The following YEATS4 variants were observed in gnomAD, a reference collection of about 807,000 sequenced individuals.
YEATS4 encodes the protein YEATS domain-containing protein 4.
A neutral mutation model predicts 30.1 loss-of-function variants in YEATS4; 17 were observed. That is an observed-to-expected ratio of 0.56 (90% CI 0.39 to 0.85). YEATS4 has a LOEUF of 0.85. YEATS4 is among the 40% of genes least tolerant of loss of function. The probability of loss-of-function intolerance (pLI) is 0.00; values close to 1 mark genes in which losing one functional copy is unlikely to be tolerated. For missense variants in YEATS4, 142 were observed against 268.3 expected (o/e 0.53, Z 3.29); for synonymous variants, 85 against 87.5 (o/e 0.97, Z 0.16).
At chr12:69,380,968 C>T (rs992750446) in intron 6 of YEATS4, among the ~76,000 whole-genome samples, 1 of 152,102 alleles carries the variant, frequency 6.6e-6, no homozygotes, top group African/African-American at 2.4e-5. Flanking sequence ...TATCACAAGG[C>T]AAATGGAGGC....
At chr12:69,379,187 CCTTT>C (rs961746874) in intron 6 of YEATS4, among the ~76,000 whole-genome samples, 3 of 152,036 alleles carry the variant, frequency 2.0e-5, no homozygotes, top group African/African-American at 4.8e-5. Context: ...TTTTTAGGAT[CCTTT>C]CTTTATCCTT....
chr12:69,373,709 T>C (rs922836060), intron 6 of YEATS4, among the ~76,000 whole-genome samples: 1 of 152,228 alleles, frequency 6.6e-6, no homozygotes, highest in Non-Finnish European at 1.5e-5. Context: ...CAGTCCAGTG[T>C]CCTAGAGAGT....
Position 69,362,917 on chromosome 12 carries a change from C to A in YEATS4, c.171+10C>A. 1 of 1,471,514 alleles carries A rather than the reference C, an allele frequency of 6.8e-7. No homozygotes were observed. Among genetic ancestry groups the A allele is most frequent in the South Asian group, 1.4e-5 (1 of 70,396 alleles). 91.2% of individuals were successfully genotyped at this position (1,471,514 alleles called of 1,614,324 possible). ...ACCATATAGAAATGAGGTAGGCACTCGTTTTTTCTGTAACTGTTTTACTTA... is the reference window on the plus strand; with the variant it reads ...ACCATATAGAAATGAGGTAGGCACTAGTTTTTTCTGTAACTGTTTTACTTA... On this transcript the variant is annotated intron_variant, in intron 2 of 6. Transcript: ENST00000247843.
the YEATS4 span, among the ~76,000 whole-genome samples, chr12:69,421,018 C>A: frequency 6.6e-6 from 1 of 152,098 alleles, no homozygotes; most frequent in African/African-American, 2.4e-5. Flanking sequence ...TAGGGATATG[C>A]CACATTTTGG....
chr12:69,411,191 A>G, the YEATS4 span, among the ~76,000 whole-genome samples: 2 of 152,212 alleles, frequency 1.3e-5, no homozygotes, highest in African/African-American at 4.8e-5. Flanking sequence ...GTACAGTGGT[A>G]CAATCACATT....
the YEATS4 span, among the ~76,000 whole-genome samples, chr12:69,413,950 G>T: frequency 2.0e-5 from 3 of 151,944 alleles, no homozygotes; most frequent in African/African-American, 7.3e-5. Context: ...CCATCAAAGG[G>T]CTGCCCTAAC....
At chr12:69,420,457 A>G in the YEATS4 span, among the ~76,000 whole-genome samples, 3 of 152,140 alleles carry the variant, frequency 2.0e-5, no homozygotes, top group African/African-American at 7.2e-5. Context: ...GATATAATAT[A>G]TGTAAGGTGC....
chr12:69,412,341 A>C, the YEATS4 span, among the ~76,000 whole-genome samples: 5 of 152,108 alleles, frequency 3.3e-5, no homozygotes. Flanking sequence ...CTCAGGTGCC[A>C]CTATTGTCCC....
chr12:69,360,077 C>T (rs896702787), intron 1 of YEATS4, 54 bp downstream of exon 1: 3 of 1,589,468 alleles, frequency 1.9e-6, no homozygotes, highest in African/African-American at 2.7e-5. Context: ...TCGGTTCCTC[C>T]CTGCGCGGCG....
At chr12:69,374,827 A>G (rs1444546731) in intron 6 of YEATS4, among the ~76,000 whole-genome samples, 1 of 151,718 alleles carries the variant, frequency 6.6e-6, no homozygotes, top group Non-Finnish European at 1.5e-5. Context: ...TTTTCCCCAC[A>G]TTTCCCCCTT....
chr12:69,380,279 A>C (rs1328503929), intron 6 of YEATS4, among the ~76,000 whole-genome samples: 1 of 152,182 alleles, frequency 6.6e-6, no homozygotes, highest in African/African-American at 2.4e-5. Flanking sequence ...TTGTGATCTA[A>C]ATTTTTGGTC....
chr12:69,386,882 G>T (rs1361661627), intron 6 of YEATS4, among the ~76,000 whole-genome samples: 1 of 152,022 alleles, frequency 6.6e-6, no homozygotes, highest in African/African-American at 2.4e-5. Context: ...ATATACCTAT[G>T]ATAAAGTTTA....
the YEATS4 span, among the ~76,000 whole-genome samples, chr12:69,407,889 T>A: frequency 1.3e-5 from 2 of 152,036 alleles, no homozygotes; most frequent in African/African-American, 4.8e-5. Flanking sequence ...GCTGATTTTG[T>A]ATTTTTAGTA....
chr12:69,404,490 A>T, the YEATS4 span, among the ~76,000 whole-genome samples: 18 of 152,096 alleles, frequency 1.2e-4, no homozygotes, highest in Non-Finnish European at 4.4e-5. Flanking sequence ...CTGATGAAAG[A>T]TGAGTTTGGC....
chr12:69,411,648 A>C, the YEATS4 span, among the ~76,000 whole-genome samples: 1 of 152,208 alleles, frequency 6.6e-6, no homozygotes, highest in Non-Finnish European at 1.5e-5. Context: ...GAGTGTGGAC[A>C]GGGTTGCAAC....
the YEATS4 span, among the ~76,000 whole-genome samples, chr12:69,405,581 G>A: frequency 1.3e-5 from 2 of 152,092 alleles, no homozygotes; most frequent in African/African-American, 2.4e-5. Flanking sequence ...TAAAATAAGG[G>A]TTACTTTGAA....
intron 4 of YEATS4, among the ~76,000 whole-genome samples, chr12:69,368,486 A>G (rs1215062640): frequency 7.2e-5 from 11 of 152,224 alleles, no homozygotes. Flanking sequence ...AAATTTAGGG[A>G]AGGACAGTTT....
chr12:69,418,542 A>C, the YEATS4 span, among the ~76,000 whole-genome samples: 1 of 152,214 alleles, frequency 6.6e-6, no homozygotes, highest in African/African-American at 2.4e-5. Context: ...GTGATAAACA[A>C]ATGCTCATCT....
intron 6 of YEATS4, among the ~76,000 whole-genome samples, chr12:69,374,647 C>T (rs541543385): frequency 7.6e-6 from 1 of 130,818 alleles, no homozygotes; most frequent in African/African-American, 2.8e-5. Context: ...CTTGCGCCGC[C>T]CTTAATCCAT....
Sources: allele counts gnomAD v4.1 joint callset (sites outside exome capture counted in the v4.1 genomes callset), GRCh38; gene constraint gnomAD v4.1.1; transcripts MANE v1.5; gene names NCBI Gene and HGNC (gene_info 2026-07-23, HGNC 2026-07-21).